MAML2: variants seen among roughly 807,000 people sequenced by gnomAD.
MAML2 encodes the protein mastermind-like protein 2.
MAML2 carries 22 observed loss-of-function variants against 96.1 expected under a neutral mutation model. The observed-to-expected ratio is 0.23, with a 90% CI of 0.16 to 0.33. MAML2 has a LOEUF of 0.33. Ranked by LOEUF, MAML2 falls within the 10% of genes least tolerant of loss-of-function variation. MAML2 has a pLI of 1.00. For missense variants in MAML2, 1,367 were observed against 1,392.4 expected, an observed-to-expected ratio of 0.98 and a Z score of 0.29; for synonymous variants, 561 against 521.3, an observed-to-expected ratio of 1.08 and a Z score of -1.04.
intron 1 of MAML2, among the ~76,000 whole-genome samples, chr11:96,148,384 C>T (rs1490298076): frequency 1.3e-5 from 2 of 150,878 alleles, no homozygotes; most frequent in Non-Finnish European, 2.9e-5. Context: ...AATTTGAGGG[C>T]AAAATGTCAC....
intron 1 of MAML2, among the ~76,000 whole-genome samples, chr11:96,231,282 G>A (rs1162858956): frequency 8.4e-6 from 1 of 118,864 alleles, no homozygotes; most frequent in Non-Finnish European, 1.7e-5. Context: ...TCTTTTAAAT[G>A]TAAAGTCTCT....
intron 1 of MAML2, among the ~76,000 whole-genome samples, chr11:96,286,700 C>G (rs1175648599): frequency 6.6e-6 from 1 of 150,678 alleles, no homozygotes; most frequent in Non-Finnish European, 1.5e-5. Flanking sequence ...ATTACTATGC[C>G]AATTCCCCAA....
chr11:96,297,714 C>T (rs1488295210), intron 1 of MAML2, among the ~76,000 whole-genome samples: 1 of 152,134 alleles, frequency 6.6e-6, no homozygotes, highest in Non-Finnish European at 1.5e-5. Context: ...ATATACCCAT[C>T]AACTAGATTC....
Position 95,977,094 on chromosome 11 carries a change from C to T in MAML2, c.*1854G>A, listed in dbSNP as rs189332195. 2.0e-4 allele frequency: 39 copies of T among 199,222 alleles called. No homozygotes were observed. The highest frequency in any genetic ancestry group is 8.3e-4 in the African/African-American group (36 of 43,488). 12.3% of individuals were successfully genotyped at this position (199,222 alleles called of 1,614,324 possible). A position where few individuals can be genotyped will look rare whatever the true frequency, so the allele number is the denominator to read the frequency against. On this transcript the variant is annotated 3_prime_UTR_variant, in exon 5 of 5. Coordinates refer to ENST00000524717, the MANE Select transcript of MAML2 (RefSeq NM_032427.4). ...CCTCTTGATAGTTTTCAAAAGTTCC[C>T]ACTCAACCACCTATGGTTTAAGTGT...
chr11:96,341,235 C>T, intron 1 of MAML2, 148 bp downstream of exon 1: 2 of 894,812 alleles, frequency 2.2e-6, no homozygotes, highest in East Asian at 2.7e-5. Flanking sequence ...CATGAAACCA[C>T]CCGAACACAC....
At chr11:95,996,948 G>C (rs1858000687) in intron 2 of MAML2, among the ~76,000 whole-genome samples, 1 of 152,148 alleles carries the variant, frequency 6.6e-6, no homozygotes, top group Admixed American at 6.5e-5. Flanking sequence ...TCAGCTGATA[G>C]ATGAGAGTAT....
intron 1 of MAML2, among the ~76,000 whole-genome samples, chr11:96,233,707 C>A (rs1262584218): frequency 1.3e-5 from 2 of 152,134 alleles, no homozygotes; most frequent in Non-Finnish European, 2.9e-5. Flanking sequence ...CCATGCCTGA[C>A]CCCCATTCTT....
At chr11:96,216,109 CTG>C (rs1862046480) in intron 1 of MAML2, among the ~76,000 whole-genome samples, 1 of 152,082 alleles carries the variant, frequency 6.6e-6, no homozygotes. Context: ...ACTACACAAA[CTG>C]TGTCTTCAGA....
At chr11:96,179,375 C>G (rs1214392178) in intron 1 of MAML2, among the ~76,000 whole-genome samples, 1 of 152,186 alleles carries the variant, frequency 6.6e-6, no homozygotes, top group African/African-American at 2.4e-5. Context: ...GGTCCACAGC[C>G]TTCTCTTTTT....
At chr11:96,331,657 A>G (rs898841045) in intron 1 of MAML2, among the ~76,000 whole-genome samples, 162 of 151,840 alleles carry the variant, frequency 1.1e-3, no homozygotes, top group African/African-American at 3.6e-3. Flanking sequence ...AAAAAAAGAA[A>G]AAGGAAAAAA....
At chr11:96,022,408 A>T (rs1858450302) in intron 2 of MAML2, among the ~76,000 whole-genome samples, 1 of 152,132 alleles carries the variant, frequency 6.6e-6, no homozygotes, top group Non-Finnish European at 1.5e-5. Context: ...AACAGATGGG[A>T]TCTTGGGGAT....
chr11:96,044,905 C>A (rs936631452), intron 2 of MAML2, among the ~76,000 whole-genome samples: 1 of 152,220 alleles, frequency 6.6e-6, no homozygotes. Context: ...GGATGACTTT[C>A]GTGAATCAGG....
chr11:96,088,991 A>G (rs545941852), intron 2 of MAML2, among the ~76,000 whole-genome samples: 1 of 152,256 alleles, frequency 6.6e-6, no homozygotes, highest in African/African-American at 2.4e-5. Flanking sequence ...CATCAGGCTA[A>G]AGAGCTTCAA....
chr11:96,113,030 T>C (rs538095601), intron 1 of MAML2, among the ~76,000 whole-genome samples: 148 of 152,228 alleles, frequency 9.7e-4, no homozygotes, highest in African/African-American at 3.4e-3. Flanking sequence ...TACAGAAATA[T>C]GTTTGGCTTC....
At chr11:96,125,530 A>G (rs115720929) in intron 1 of MAML2, among the ~76,000 whole-genome samples, 77 of 152,280 alleles carry the variant, frequency 5.1e-4, no homozygotes, top group African/African-American at 1.8e-3. Flanking sequence ...GGGCAAGTGG[A>G]CAGGGGAGAA....
chr11:96,048,087 C>T (rs1430338342), intron 2 of MAML2, among the ~76,000 whole-genome samples: 1 of 151,914 alleles, frequency 6.6e-6, no homozygotes, highest in African/African-American at 2.4e-5. Flanking sequence ...GGTTCATACC[C>T]ACTCTGTGCT....
intron 2 of MAML2, among the ~76,000 whole-genome samples, chr11:96,090,166 T>G (rs1167839586): frequency 1.3e-5 from 2 of 152,088 alleles, no homozygotes; most frequent in African/African-American, 2.4e-5. Flanking sequence ...AAGGGTAAAC[T>G]GCAATACACT....
At chr11:96,316,926 G>A (rs1863640791) in intron 1 of MAML2, among the ~76,000 whole-genome samples, 2 of 152,348 alleles carry the variant, frequency 1.3e-5, no homozygotes, top group Admixed American at 1.3e-4. Context: ...ACATAGAAGA[G>A]CAGATAGTTG....
Position 96,092,375 on chromosome 11 carries a change from ACGGGGCTCCATGGCTGG to A in MAML2, c.1639_1655del (p.Pro547SerfsTer11). On this transcript the variant is annotated frameshift_variant, in exon 2 of 5. Transcript: ENST00000524717. LOFTEE classifies it high-confidence loss of function. This position sits in a 1 kb window ranked among gnomAD's most constrained non-coding sequence, Gnocchi z 4.1. The stretch of plus-strand genomic sequence containing the variant: ...GAAACAAAGGCTTGGTGTTGCCCTG[ACGGGGCTCCATGGCTGG>A]GTGCGGGTTGTTAATAAAACTTCGA... The A allele has an allele frequency of 6.2e-7, 1 of 1,613,874 alleles. No homozygotes were observed. The highest frequency in any genetic ancestry group is 8.5e-7 in the Non-Finnish European group (1 of 1,179,846).
Sources: allele counts gnomAD v4.1 joint callset (sites outside exome capture counted in the v4.1 genomes callset), GRCh38; gene constraint gnomAD v4.1.1; non-coding constraint Gnocchi (gnomAD v3.1); transcripts MANE v1.5; gene names NCBI Gene and HGNC (gene_info 2026-07-23, HGNC 2026-07-21).